Variants in AGXT2 observed in about 807,000 individuals in gnomAD.
AGXT2 encodes alanine--glyoxylate aminotransferase 2.
A neutral mutation model predicts 62.5 loss-of-function variants in AGXT2; 61 were observed. The observed-to-expected ratio is 0.98, with a 90% CI of 0.79 to 1.21. The LOEUF is 1.21. Ranked by LOEUF, AGXT2 falls within the 50% of genes most tolerant of loss-of-function variation. The pLI, the probability that AGXT2 is intolerant of heterozygous loss-of-function variation, is 0.00. For synonymous variants in AGXT2, 243 were observed against 218.7 expected (o/e 1.11, Z -0.98); for missense variants, 666 against 641.5 (o/e 1.04, Z -0.41).
rs1767891804 is a variant in AGXT2 at position 35,039,306 on chromosome 5, G to A, written c.362+18C>T. ...CATTCTTTTGGAATAAAAATCTCCAGATTTTAAGGATACTCACGGGTGGCA... is the reference window on the plus strand; with the variant it reads ...CATTCTTTTGGAATAAAAATCTCCAAATTTTAAGGATACTCACGGGTGGCA... On this transcript the variant is annotated intron_variant, in intron 3 of 13. Coordinates refer to ENST00000231420, the MANE Select transcript of AGXT2 (RefSeq NM_031900.4). 6.2e-7 allele frequency: 1 copy of A among 1,612,584 alleles called. No individual in the cohort carries two copies. Among genetic ancestry groups the A allele is most frequent in the Non-Finnish European group, 8.5e-7 (1 of 1,178,750 alleles).
intron 12 of AGXT2, among the ~76,000 whole-genome samples, chr5:35,004,777 C>T (rs1766362734): frequency 6.6e-6 from 1 of 152,132 alleles, no homozygotes; most frequent in African/African-American, 2.4e-5. Flanking sequence ...TGCCCAGTTT[C>T]ATTACATCCT....
In AGXT2 at chr5:35,003,785, C is replaced by T. The variant is rs373994354; in HGVS notation, c.1415G>A (p.Gly472Asp). Residue 472 changes from glycine (G) to aspartate (D), a missense_variant, in exon 13 of 14, where the codon GGC becomes GAC. Physicochemically the swap from Gly to Asp is moderately conservative, Grantham distance 94 (BLOSUM62 -1). Transcript: ENST00000231420. ...TACCTGAGAAAAAATGCTGCCTCTG[C>T]CAACGAGGAGTCCCATGTGCTTGCA... ...EDCKHMGLLV[G>D]RGSIFSQTFR... The T allele has an allele frequency of 6.8e-6, 11 of 1,614,034 alleles. No homozygotes were observed. The African/African-American group carries it at 1.5e-4, about 22-fold the overall frequency.
rs142368612 is a variant in AGXT2 at position 35,010,047 on chromosome 5, C to T, written c.1291G>A (p.Val431Ile). The T allele has an allele frequency of 3.8e-4, 614 of 1,614,082 alleles. No individual in the cohort carries two copies. Among genetic ancestry groups the T allele is most frequent in the Non-Finnish European group, 5.0e-4 (593 of 1,180,036 alleles). Residue 431 changes from valine (V) to isoleucine (I), a missense_variant, in exon 12 of 14, where the codon GTC becomes ATC. Physicochemically the swap from Val to Ile is conservative, Grantham distance 29. Transcript: ENST00000231420. Reference sequence around the variant, plus strand: ...CCTATCATGAGACCTTTGCCTCGGACGTCTCCAACAATTTCAAATTCATCC... The same window carrying T: ...CCTATCATGAGACCTTTGCCTCGGATGTCTCCAACAATTTCAAATTCATCC... ...LRDEFEIVGD[V>I]RGKGLMIGIE...
At chr5:35,026,195 C>G (rs1049346992) in intron 8 of AGXT2, 3 of 609,782 alleles carry the variant, frequency 4.9e-6, no homozygotes, top group African/African-American at 1.9e-5. Context: ...TTTAGGAGTT[C>G]GGTAGTTTCA....
chr5:35,015,419 T>A (rs1003353560), intron 9 of AGXT2, among the ~76,000 whole-genome samples: 20 of 152,200 alleles, frequency 1.3e-4, no homozygotes, highest in Non-Finnish European at 1.5e-5. Flanking sequence ...TCTGGTGAAG[T>A]CTCCTCGATT....
intron 1 of AGXT2, among the ~76,000 whole-genome samples, chr5:35,044,622 C>T (rs1369007105): frequency 6.6e-6 from 1 of 152,196 alleles, no homozygotes; most frequent in Middle Eastern, 3.2e-3. Context: ...TCCTCAGCCT[C>T]CTGTTGATTA....
At chr5:35,015,605 T>C (rs1766821100) in intron 9 of AGXT2, among the ~76,000 whole-genome samples, 1 of 152,034 alleles carries the variant, frequency 6.6e-6, no homozygotes, top group African/African-American at 2.4e-5. Context: ...ATCTCAGCAC[T>C]TTGGGAGGCC....
intron 10 of AGXT2, among the ~76,000 whole-genome samples, chr5:35,013,430 G>A (rs1766718034): frequency 6.6e-6 from 1 of 152,170 alleles, no homozygotes; most frequent in Admixed American, 6.5e-5. Context: ...AAGTGTGGTG[G>A]AACCCTGAGT....
At chr5:34,998,915 T>A (rs1766127490) in intron 13 of AGXT2, 89 bp from the exon 14 acceptor site, 20 of 977,552 alleles carry the variant, frequency 2.0e-5, no homozygotes, top group South Asian at 2.0e-4. Context: ...ATCCAAAACC[T>A]TGTGTTTAGG....
chr5:35,042,736 C>CTGTGTGTGTGTG (rs66463119), intron 1 of AGXT2, among the ~76,000 whole-genome samples: 73 of 142,484 alleles, frequency 5.1e-4, no homozygotes, highest in African/African-American at 1.8e-3. Context: ...ATATGCATAC[C>CTGTGTGTGTGTG]TGTGTGTGTG....
intron 2 of AGXT2, among the ~76,000 whole-genome samples, chr5:35,039,827 A>C (rs1308737628): frequency 6.6e-6 from 1 of 152,242 alleles, no homozygotes; most frequent in African/African-American, 2.4e-5. Context: ...TGTCTGAACT[A>C]ATAAGCAATT....
At position 35,040,651 on chromosome 5, in the gene AGXT2, C is replaced by T. The variant is rs778312587; in HGVS notation, c.101G>A (p.Arg34Gln). The T allele has an allele frequency of 2.9e-5, 47 of 1,613,532 alleles. No individual in the cohort carries two copies. Among genetic ancestry groups the T allele is most frequent in the African/African-American group, 4.0e-5 (3 of 74,868 alleles). Reference protein sequence around the residue: ...MHPFLSLGTSRTSVTKLSLHT... With the variant: ...MHPFLSLGTSQTSVTKLSLHT... ...AAGACTGAGCTTGGTTACTGATGTC[C>T]GGGAAGTACCTACTGAAAGTGAAGT... The change falls in exon 2 of 14, where the codon CGG (arginine) becomes CAG (glutamine). Residue 34 changes from arginine (R) to glutamine (Q), a missense_variant. Arg to Gln is a conservative substitution (Grantham distance 43). Coordinates refer to ENST00000231420, the MANE Select transcript of AGXT2 (RefSeq NM_031900.4).
At chr5:35,028,384 G>T (rs1016609697) in intron 7 of AGXT2, among the ~76,000 whole-genome samples, 1 of 152,050 alleles carries the variant, frequency 6.6e-6, no homozygotes, top group Non-Finnish European at 1.5e-5. Context: ...AAACATTTCT[G>T]CCATGCTTCA....
chr5:35,034,478 A>T (rs1561230783), intron 5 of AGXT2, among the ~76,000 whole-genome samples: 1 of 152,232 alleles, frequency 6.6e-6, no homozygotes, highest in Non-Finnish European at 1.5e-5. Context: ...TCACACAGAA[A>T]TTATAACCAG....
chr5:35,003,709 A>G lies in AGXT2; in HGVS notation c.1437+54T>C. 2.6e-6 allele frequency: 4 copies of G among 1,511,760 alleles called. No homozygotes were observed. In the South Asian group the frequency reaches 4.5e-5, roughly 17 times the overall value. The allele number at this position is 1,511,760 out of a possible 1,614,324, so 93.6% of individuals were successfully genotyped here. ...TGAAGAAACTGTGACCAGCATTAGG[A>G]AATCAGAGAGACTCCTACCTAGAGC... is the stretch of plus-strand genomic sequence containing the variant. On this transcript the variant is annotated intron_variant, in intron 13 of 13. Coordinates refer to ENST00000231420, the MANE Select transcript of AGXT2 (RefSeq NM_031900.4).
At chr5:35,008,748 G>T (rs1766519719) in intron 12 of AGXT2, among the ~76,000 whole-genome samples, 1 of 152,110 alleles carries the variant, frequency 6.6e-6, no homozygotes, top group Admixed American at 6.5e-5. Context: ...CTTATACCAT[G>T]TCTGGTCTAA....
At chr5:35,009,295 A>G (rs937244179) in intron 12 of AGXT2, among the ~76,000 whole-genome samples, 5 of 149,666 alleles carry the variant, frequency 3.3e-5, no homozygotes, top group African/African-American at 1.2e-4. Flanking sequence ...AAGCATGCAA[A>G]CAAACAAAAC....
chr5:35,028,595 GAGAGAGAGAGA>G (rs1767450837), intron 7 of AGXT2, among the ~76,000 whole-genome samples: 3 of 127,134 alleles, frequency 2.4e-5, no homozygotes, highest in Non-Finnish European at 5.6e-5. Flanking sequence ...GAGAGAGAGA[GAGAGAGAGAGA>G]GAGAGAGAGA....
chr5:35,021,448 A>T (rs1339115577), intron 9 of AGXT2, among the ~76,000 whole-genome samples: 1 of 151,008 alleles, frequency 6.6e-6, no homozygotes, highest in East Asian at 1.9e-4. Flanking sequence ...TCTTTGACAA[A>T]CCTGAGAAAA....
Sources: allele counts gnomAD v4.1 joint callset (sites outside exome capture counted in the v4.1 genomes callset), GRCh38; gene constraint gnomAD v4.1.1; transcripts MANE v1.5; gene names NCBI Gene and HGNC (gene_info 2026-07-23, HGNC 2026-07-21).